The following NEGR1 variants were observed in gnomAD, a reference collection of about 807,000 sequenced individuals.
The protein encoded by NEGR1 is IgLON family member 4.
Under a neutral mutation model 40.9 loss-of-function variants are expected in NEGR1, and 10 were observed. The ratio of observed to expected loss-of-function variants is 0.24; its 90% CI spans 0.15 to 0.42. NEGR1 has a LOEUF of 0.42. Among genes scored for constraint, NEGR1 ranks in the 10% least tolerant of loss-of-function variants. NEGR1 has a pLI of 1.00. For synonymous variants in NEGR1, 185 were observed against 166.8 expected (o/e 1.11, Z -0.84); for missense variants, 352 against 438.9 (o/e 0.80, Z 1.77).
chr1:72,066,386 C>T (rs1483702989), intron 1 of NEGR1, among the ~76,000 whole-genome samples: 1 of 152,132 alleles, frequency 6.6e-6, no homozygotes, highest in African/African-American at 2.4e-5. Flanking sequence ...CAGAATTAGT[C>T]TCCTACTTCT....
At chr1:71,695,003 T>C (rs1653429333) in intron 4 of NEGR1, among the ~76,000 whole-genome samples, 1 of 151,776 alleles carries the variant, frequency 6.6e-6, no homozygotes, top group Admixed American at 6.6e-5. Context: ...GTACTCAATT[T>C]TGGGCTTTGA....
chr1:72,123,508 T>G (rs930896748), intron 1 of NEGR1, among the ~76,000 whole-genome samples: 4 of 151,668 alleles, frequency 2.6e-5, no homozygotes, highest in African/African-American at 7.3e-5. Context: ...AATAAAACAT[T>G]TGCCTTTATG....
chr1:71,646,988 T>G lies in NEGR1; in HGVS notation c.668-35842A>C, dbSNP rs547882701. 2.7e-4 allele frequency among the ~76,000 whole-genome samples: 41 copies of G among 152,002 alleles called. No individual in the cohort carries two copies. In the South Asian group the frequency reaches 5.0e-3, roughly 18 times the overall value. ...GAACTATGGATATGGTATCTCACCT[T>G]AGGTAAAAATAATCTTCATGTTTAG... On this transcript the variant is annotated intron_variant, in intron 4 of 6. Transcript: ENST00000357731.
intron 3 of NEGR1, among the ~76,000 whole-genome samples, chr1:71,710,890 G>A (rs1654058669): frequency 6.6e-6 from 1 of 152,026 alleles, no homozygotes; most frequent in African/African-American, 2.4e-5. Flanking sequence ...AATGTAATTG[G>A]ATTGATTGTA....
In NEGR1 at chr1:71,690,118, C is replaced by CTG. The variant is rs1199892330; in HGVS notation, c.667+7889_667+7890insCA. Among the ~76,000 whole-genome samples, 6 of 152,098 alleles carry CTG rather than the reference C, an allele frequency of 3.9e-5. No homozygotes were observed. The East Asian group carries it at 1.2e-3, about 29-fold the overall frequency. ...TGCCCCTAATCATTCCACTTCTCTC[C>CTG]CTTCACACACATATACACATACACA... On this transcript the variant is annotated intron_variant, in intron 4 of 6. Transcript: ENST00000357731.
At chr1:71,467,095 A>G (rs984009624) in intron 6 of NEGR1, among the ~76,000 whole-genome samples, 2 of 152,136 alleles carry the variant, frequency 1.3e-5, no homozygotes, top group Non-Finnish European at 2.9e-5. Context: ...ATTCACATAC[A>G]TTATAAAGTT....
In NEGR1 at chr1:71,612,629, T is replaced by C. The variant is rs571185531; in HGVS notation, c.668-1483A>G. On this transcript the variant is annotated intron_variant, in intron 4 of 6. Transcript: ENST00000357731. ...CAGTAAAACAAAAACAAAACCCTTA[T>C]AGTTGCAAGGTAAGAGGAATCAGAG... Among the ~76,000 whole-genome samples the C allele has an allele frequency of 8.5e-5, 13 of 152,276 alleles. No individual in the cohort carries two copies. In the East Asian group the frequency reaches 2.5e-3, roughly 29 times the overall value.
chr1:71,741,427 T>C (rs1377973793), intron 3 of NEGR1, among the ~76,000 whole-genome samples: 1 of 152,174 alleles, frequency 6.6e-6, no homozygotes, highest in African/African-American at 2.4e-5. Flanking sequence ...AATTCTCCCA[T>C]TCCTTTGTTT....
intron 5 of NEGR1, among the ~76,000 whole-genome samples, chr1:71,593,909 A>G (rs984296049): frequency 1.3e-5 from 2 of 152,074 alleles, no homozygotes; most frequent in East Asian, 1.9e-4. Context: ...CTTTTGTACT[A>G]TTCTCTCTAG....
At chr1:71,425,513 C>CG (rs1026325138) in intron 6 of NEGR1, among the ~76,000 whole-genome samples, 2 of 152,092 alleles carry the variant, frequency 1.3e-5, no homozygotes, top group African/African-American at 4.8e-5. Context: ...AGGAAATAAT[C>CG]ATCATCCACT....
intron 3 of NEGR1, among the ~76,000 whole-genome samples, chr1:71,721,934 A>G (rs1654523577): frequency 6.6e-6 from 1 of 152,114 alleles, no homozygotes; most frequent in Non-Finnish European, 1.5e-5. Context: ...AAGGCAGAAT[A>G]AGAATAAAAA....
intron 6 of NEGR1, among the ~76,000 whole-genome samples, chr1:71,578,580 A>C (rs1214795994): frequency 6.6e-6 from 1 of 152,126 alleles, no homozygotes; most frequent in Non-Finnish European, 1.5e-5. Flanking sequence ...CAGGGGCAAG[A>C]CTATTTAACG....
At chr1:71,875,885 G>T (rs1400689026) in intron 2 of NEGR1, among the ~76,000 whole-genome samples, 1 of 152,094 alleles carries the variant, frequency 6.6e-6, no homozygotes, top group African/African-American at 2.4e-5. Flanking sequence ...AAATGGAAAG[G>T]CTCGATGAAG....
At chr1:71,625,732 C>T (rs879201277) in intron 4 of NEGR1, among the ~76,000 whole-genome samples, 19 of 151,672 alleles carry the variant, frequency 1.3e-4, no homozygotes, top group South Asian at 6.2e-4. Flanking sequence ...ATAAGGCAGG[C>T]GTCCCCAAGC....
intron 6 of NEGR1, among the ~76,000 whole-genome samples, chr1:71,454,549 CCTT>C (rs1051814568): frequency 7.8e-5 from 7 of 89,970 alleles, no homozygotes; most frequent in African/African-American, 2.5e-4. Context: ...ATCCAGGTTT[CCTT>C]GTGGTTTTAA....
At chr1:71,496,211 A>T (rs1646962128) in intron 6 of NEGR1, among the ~76,000 whole-genome samples, 1 of 152,166 alleles carries the variant, frequency 6.6e-6, no homozygotes, top group African/African-American at 2.4e-5. Flanking sequence ...TAGAGAGAAA[A>T]CAGAAAGAGT....
chr1:72,042,840 T>C (rs1327935499), intron 1 of NEGR1, among the ~76,000 whole-genome samples: 4 of 152,136 alleles, frequency 2.6e-5, no homozygotes, highest in African/African-American at 9.6e-5. Context: ...TTAGACCATT[T>C]AGAAAATGTA....
At chr1:72,024,103 C>G (rs1183207077) in intron 1 of NEGR1, among the ~76,000 whole-genome samples, 1 of 152,086 alleles carries the variant, frequency 6.6e-6, no homozygotes, top group Non-Finnish European at 1.5e-5. Context: ...AGGCAACACC[C>G]TTGTTCAAAC....
intron 1 of NEGR1, among the ~76,000 whole-genome samples, chr1:72,235,795 A>C (rs1370703022): frequency 6.6e-6 from 1 of 152,052 alleles, no homozygotes; most frequent in African/African-American, 2.4e-5. Context: ...TAACATTTGA[A>C]ACAGTTAAGA....
Sources: allele counts gnomAD v4.1 joint callset (sites outside exome capture counted in the v4.1 genomes callset), GRCh38; gene constraint gnomAD v4.1.1; transcripts MANE v1.5; gene names NCBI Gene and HGNC (gene_info 2026-07-23, HGNC 2026-07-21).